Variants in GREB1L observed in about 807,000 individuals in gnomAD.
GREB1L encodes the protein GREB1 like retinoic acid receptor coactivator.
Under a neutral mutation model 200.8 loss-of-function variants are expected in GREB1L, and 17 were observed. That is an observed-to-expected ratio of 0.08 (90% CI 0.06 to 0.13). GREB1L has a LOEUF of 0.13. Among genes scored for constraint, GREB1L ranks in the 10% least tolerant of loss-of-function variants. GREB1L has a pLI of 1.00. For missense variants in GREB1L, 1,657 were observed against 2,367.7 expected (o/e 0.70, Z 6.23); for synonymous variants, 789 against 893.0 (o/e 0.88, Z 2.08).
chr18:21,484,608 G>A (rs1228717896), intron 17 of GREB1L, among the ~76,000 whole-genome samples: 2 of 152,166 alleles, frequency 1.3e-5, no homozygotes, highest in African/African-American at 2.4e-5. Context: ...CCTGAGTCCA[G>A]GAATTTGAGA....
chr18:21,303,692 C>T (rs1447820856), intron 1 of GREB1L, among the ~76,000 whole-genome samples: 1 of 152,184 alleles, frequency 6.6e-6, no homozygotes, highest in Non-Finnish European at 1.5e-5. Context: ...CGTGAGTAAC[C>T]TTACTGTAAA....
chr18:21,295,988 T>C (rs2038520857), intron 1 of GREB1L, among the ~76,000 whole-genome samples: 1 of 152,192 alleles, frequency 6.6e-6, no homozygotes, highest in African/African-American at 2.4e-5. Flanking sequence ...GGAGTGTAAA[T>C]TAATTCAGCC....
intron 15 of GREB1L, among the ~76,000 whole-genome samples, chr18:21,470,426 TC>T (rs1180543280): frequency 2.0e-5 from 3 of 152,236 alleles, no homozygotes; most frequent in African/African-American, 7.2e-5. Flanking sequence ...TTCATCATTT[TC>T]TCCATAAAGG....
At chr18:21,420,371 C>T (rs1311984294) in intron 7 of GREB1L, among the ~76,000 whole-genome samples, 2 of 144,738 alleles carry the variant, frequency 1.4e-5, no homozygotes, top group Non-Finnish European at 3.0e-5. Context: ...GAGACTCCAT[C>T]TCGAAAAAAA....
intron 1 of GREB1L, among the ~76,000 whole-genome samples, chr18:21,347,144 G>C: frequency 6.6e-6 from 1 of 152,030 alleles, no homozygotes; most frequent in East Asian, 1.9e-4. Flanking sequence ...TGGGCGTGGT[G>C]GTGGGTGCCT....
chr18:21,372,401 C>T (rs1186247664), intron 2 of GREB1L, among the ~76,000 whole-genome samples: 1 of 152,008 alleles, frequency 6.6e-6, no homozygotes, highest in East Asian at 1.9e-4. Context: ...CTGCCTCAGC[C>T]TCCCAAAGTG....
chr18:21,340,621 C>T (rs2039255815), intron 1 of GREB1L, among the ~76,000 whole-genome samples: 1 of 151,880 alleles, frequency 6.6e-6, no homozygotes, highest in African/African-American at 2.4e-5. Flanking sequence ...CAGCTCACTG[C>T]AACCTCTGCC....
In GREB1L at chr18:21,379,824, G is replaced by T. The variant is rs370891570; in HGVS notation, c.-9-3686G>T. Among the ~76,000 whole-genome samples the T allele has an allele frequency of 7.5e-4, 114 of 152,214 alleles. 2 individuals carry two copies. Among genetic ancestry groups the T allele is most frequent in the African/African-American group, 2.6e-3 (110 of 41,532 alleles). Reference sequence around the variant, plus strand: ...CTGCTGAAAAGTAAATTACTTCTGAGCTTTAAAAATTTTTAATGTTTGTAT... The same window carrying T: ...CTGCTGAAAAGTAAATTACTTCTGATCTTTAAAAATTTTTAATGTTTGTAT... On this transcript the variant is annotated intron_variant, in intron 2 of 32. Transcript: ENST00000424526.
intron 1 of GREB1L, among the ~76,000 whole-genome samples, chr18:21,271,185 T>G (rs2038072754): frequency 6.6e-6 from 1 of 152,226 alleles, no homozygotes; most frequent in Non-Finnish European, 1.5e-5. Flanking sequence ...TATTTCAAAT[T>G]TCATGAACTG....
At chr18:21,447,413 T>C (rs191926503) in intron 11 of GREB1L, among the ~76,000 whole-genome samples, 134 of 152,366 alleles carry the variant, frequency 8.8e-4, no homozygotes, top group Non-Finnish European at 1.7e-3. Flanking sequence ...TACCTTTTCC[T>C]CCACTTCTTG....
chr18:21,271,333 G>A (rs969713176), intron 1 of GREB1L, among the ~76,000 whole-genome samples: 1 of 151,990 alleles, frequency 6.6e-6, no homozygotes, highest in Admixed American at 6.6e-5. Context: ...TGGCATTAGT[G>A]TATTGTCATG....
At chr18:21,361,597 G>A (rs1473977166) in intron 1 of GREB1L, among the ~76,000 whole-genome samples, 1 of 152,020 alleles carries the variant, frequency 6.6e-6, no homozygotes, top group Non-Finnish European at 1.5e-5. Flanking sequence ...TTTAACTGAA[G>A]GACTGACAGG....
chr18:21,454,672 A>G (rs1490478230), intron 15 of GREB1L, 109 bp downstream of exon 15: 3 of 839,642 alleles, frequency 3.6e-6, no homozygotes, highest in East Asian at 2.7e-5. Flanking sequence ...AACCTTCTTC[A>G]GTAATAAAAA....
intron 30 of GREB1L, 94 bp downstream of exon 30, chr18:21,516,848 T>A: frequency 8.3e-7 from 1 of 1,210,170 alleles, no homozygotes; most frequent in Non-Finnish European, 1.1e-6. Flanking sequence ...ACTTTCTATT[T>A]TATTAGAAAA....
Position 21,379,654 on chromosome 18 carries a change from A to G in GREB1L, c.-9-3856A>G, listed in dbSNP as rs181499534. On this transcript the variant is annotated intron_variant, in intron 2 of 32. Coordinates refer to ENST00000424526, the MANE Select transcript of GREB1L (RefSeq NM_001142966.3). ...TCATTGTTCACAGATAAGCAATCCT[A>G]TGGTTAACTCTGTGCTAGTTCCTGG... Among the ~76,000 whole-genome samples the G allele has an allele frequency of 2.4e-3, 362 of 152,330 alleles. 2 individuals carry two copies. Among genetic ancestry groups the G allele is most frequent in the African/African-American group, 8.4e-3 (348 of 41,568 alleles).
intron 1 of GREB1L, among the ~76,000 whole-genome samples, chr18:21,271,649 CAAA>C (rs1191889292): frequency 2.5e-4 from 13 of 51,946 alleles, no homozygotes; most frequent in East Asian, 1.1e-3. Context: ...GACCCTGTCT[CAAA>C]AAAAAAAAAA....
chr18:21,403,602 G>A (rs1417662378), intron 6 of GREB1L, among the ~76,000 whole-genome samples: 1 of 152,060 alleles, frequency 6.6e-6, no homozygotes, highest in Non-Finnish European at 1.5e-5. Flanking sequence ...TGACTATATT[G>A]GTTACGAGTA....
rs940301061 is a variant in GREB1L, at chr18:21,524,111, A to T, written c.*1290A>T. The T allele has an allele frequency of 3.3e-5, 5 of 152,226 alleles. No individual in the cohort carries two copies. The East Asian group carries it at 9.6e-4, about 29-fold the overall frequency. The allele number at this position is 152,226 out of a possible 1,614,324, so 9.4% of individuals were successfully genotyped here. A position where few individuals can be genotyped will look rare whatever the true frequency, so the allele number is the denominator to read the frequency against. ...TGAACAATCTCTTGAGAGTTTTCTCATTAGCCCATATTTACTACTTTATCC... is the reference window on the plus strand; with the variant it reads ...TGAACAATCTCTTGAGAGTTTTCTCTTTAGCCCATATTTACTACTTTATCC... On this transcript the variant is annotated 3_prime_UTR_variant, in exon 33 of 33. Transcript: ENST00000424526.
intron 7 of GREB1L, among the ~76,000 whole-genome samples, chr18:21,438,293 G>A (rs1420129267): frequency 6.6e-6 from 1 of 152,070 alleles, no homozygotes; most frequent in African/African-American, 2.4e-5. Context: ...AAGAAAAAAA[G>A]AAAGTATTAA....
Sources: allele counts gnomAD v4.1 joint callset (sites outside exome capture counted in the v4.1 genomes callset), GRCh38; gene constraint gnomAD v4.1.1; transcripts MANE v1.5; gene names NCBI Gene and HGNC (gene_info 2026-07-23, HGNC 2026-07-21).